CNTN6: variants seen among roughly 807,000 people sequenced by gnomAD.
CNTN6 encodes contactin-6.
A neutral mutation model predicts 122.8 loss-of-function variants in CNTN6; 137 were observed. That is an observed-to-expected ratio of 1.12 (90% CI 0.97 to 1.29). The LOEUF (loss-of-function observed/expected upper bound fraction) is 1.29. Among genes scored for constraint, CNTN6 ranks in the 50% most tolerant of loss-of-function variants. The pLI is 0.00. For missense variants in CNTN6, 1,634 were observed against 1,223.4 expected, an observed-to-expected ratio of 1.34 and a Z score of -5.01; for synonymous variants, 570 against 426.0, an observed-to-expected ratio of 1.34 and a Z score of -4.16.
At chr3:1,350,179 T>C (rs1705406846) in intron 11 of CNTN6, among the ~76,000 whole-genome samples, 1 of 151,850 alleles carries the variant, frequency 6.6e-6, no homozygotes, top group Non-Finnish European at 1.5e-5. Context: ...AGTCACTGTA[T>C]GTACTACAGT....
At chr3:1,339,308 G>C (rs1418428660) in intron 11 of CNTN6, among the ~76,000 whole-genome samples, 1 of 152,110 alleles carries the variant, frequency 6.6e-6, no homozygotes, top group African/African-American at 2.4e-5. Flanking sequence ...AAGGAGCATA[G>C]TTTGAGGACT....
intron 2 of CNTN6, among the ~76,000 whole-genome samples, chr3:1,199,920 A>G (rs1461904959): frequency 1.3e-5 from 2 of 152,240 alleles, no homozygotes; most frequent in African/African-American, 4.8e-5. Context: ...TGCAATAGCA[A>G]TGTTTACTAA....
chr3:1,238,868 A>G (rs984235436), intron 4 of CNTN6, among the ~76,000 whole-genome samples: 2 of 152,180 alleles, frequency 1.3e-5, no homozygotes, highest in African/African-American at 4.8e-5. Context: ...CTTTGAAAAG[A>G]TAAATAAAAT....
chr3:1,171,050 T>A (rs958213251), intron 2 of CNTN6, among the ~76,000 whole-genome samples: 1 of 152,212 alleles, frequency 6.6e-6, no homozygotes, highest in African/African-American at 2.4e-5. Context: ...CTAGCAGCAA[T>A]GGCCAATGCC....
chr3:1,204,989 A>G (rs2093938959), intron 2 of CNTN6, among the ~76,000 whole-genome samples: 2 of 152,146 alleles, frequency 1.3e-5, no homozygotes, highest in African/African-American at 4.8e-5. Flanking sequence ...TTGCTAATAA[A>G]GAGATTATTT....
intron 4 of CNTN6, among the ~76,000 whole-genome samples, chr3:1,272,538 T>G (rs1039928029): frequency 2.0e-5 from 3 of 151,476 alleles, no homozygotes; most frequent in African/African-American, 2.4e-5. Flanking sequence ...TGGGAAAAAA[T>G]ATATATCATT....
Position 1,245,223 on chromosome 3 carries a change from T to TACACAC in CNTN6, c.358+17231_358+17232insCACACA, listed in dbSNP as rs1487209403. On this transcript the variant is annotated intron_variant, in intron 4 of 22. Coordinates refer to ENST00000446702, the MANE Select transcript of CNTN6 (RefSeq NM_001289080.2). ...ATATATATATATATATATATATATA[T>TACACAC]ATATATATATATACACACACACATA... 4.0e-3 allele frequency among the ~76,000 whole-genome samples: 76 copies of TACACAC among 18,772 alleles called. 4 individuals carry two copies. The highest frequency in any genetic ancestry group is 0.029 in the East Asian group (22 of 754). 12.3% of individuals were successfully genotyped at this position (18,772 alleles called of 152,430 possible). A position where few individuals can be genotyped will look rare whatever the true frequency, so the allele number is the denominator to read the frequency against.
intron 2 of CNTN6, among the ~76,000 whole-genome samples, chr3:1,185,529 T>C (rs889292247): frequency 6.6e-6 from 1 of 152,206 alleles, no homozygotes; most frequent in Admixed American, 6.5e-5. Flanking sequence ...GTGTTTGGTA[T>C]AAAGGCCACT....
chr3:1,270,096 G>C (rs1478335573), intron 4 of CNTN6, among the ~76,000 whole-genome samples: 1 of 152,118 alleles, frequency 6.6e-6, no homozygotes, highest in Non-Finnish European at 1.5e-5. Flanking sequence ...TTGTGTTACT[G>C]AGTTATGCTA....
intron 4 of CNTN6, among the ~76,000 whole-genome samples, chr3:1,231,371 C>T (rs920830786): frequency 6.6e-6 from 1 of 152,196 alleles, no homozygotes; most frequent in Non-Finnish European, 1.5e-5. Flanking sequence ...GTCACTTTGA[C>T]CTTCAGAATG....
intron 16 of CNTN6, among the ~76,000 whole-genome samples, chr3:1,375,618 A>T (rs1394387403): frequency 6.6e-6 from 1 of 152,120 alleles, no homozygotes; most frequent in African/African-American, 2.4e-5. Context: ...GTGTGCAGTT[A>T]GTCACTCTAA....
rs939806418 is a variant in CNTN6, at chr3:1,321,776, G to A, written c.888G>A (p.Glu296=). ...NFQQEDEGFY[E]CIASNLRGRN... is the part of the protein sequence containing the mutation. ...AACAAGAAGATGAAGGCTTTTATGAGTGCATTGCAAGCAACCTTCGAGGAA... is the reference window on the plus strand; with the variant it reads ...AACAAGAAGATGAAGGCTTTTATGAATGCATTGCAAGCAACCTTCGAGGAA... Residue 296 remains glutamate (E), a synonymous_variant, in exon 8 of 23, where the codon GAG becomes GAA. Coordinates refer to ENST00000446702, the MANE Select transcript of CNTN6 (RefSeq NM_001289080.2). The A allele has an allele frequency of 6.2e-7, 1 of 1,611,584 alleles. No individual in the cohort carries two copies. The highest frequency in any genetic ancestry group is 1.3e-5 in the African/African-American group (1 of 74,762).
intron 4 of CNTN6, among the ~76,000 whole-genome samples, chr3:1,241,894 C>T (rs1278852720): frequency 2.6e-5 from 4 of 152,262 alleles, no homozygotes; most frequent in South Asian, 2.1e-4. Context: ...AGCCGCTGCA[C>T]GCAGACATGA....
At chr3:1,399,346 C>A (rs183838376) in intron 20 of CNTN6, among the ~76,000 whole-genome samples, 1 of 149,218 alleles carries the variant, frequency 6.7e-6, no homozygotes, top group African/African-American at 2.4e-5. Flanking sequence ...AGGATAGTTA[C>A]AAAATAATTC....
At chr3:1,260,199 A>T (rs2094822528) in intron 4 of CNTN6, among the ~76,000 whole-genome samples, 1 of 152,188 alleles carries the variant, frequency 6.6e-6, no homozygotes, top group African/African-American at 2.4e-5. Context: ...CTTTGTGATG[A>T]CAAGCAAGAG....
chr3:1,366,222 C>T lies in CNTN6; in HGVS notation c.1493-6077C>T, dbSNP rs1708195135. On this transcript the variant is annotated intron_variant, in intron 12 of 22. Coordinates refer to ENST00000446702, the MANE Select transcript of CNTN6 (RefSeq NM_001289080.2). Reference sequence around the variant, plus strand: ...GGAATATGCAAGAAGAATAGCATGACATGAAATGAAAGCGAATAAGTAACC... The same window carrying T: ...GGAATATGCAAGAAGAATAGCATGATATGAAATGAAAGCGAATAAGTAACC... Among the ~76,000 whole-genome samples the T allele has an allele frequency of 2.0e-5, 3 of 152,142 alleles. No individual in the cohort carries two copies. In the South Asian group the frequency reaches 6.2e-4, roughly 31 times the overall value.
At chr3:1,387,400 G>A (rs971576262) in intron 20 of CNTN6, among the ~76,000 whole-genome samples, 6 of 152,316 alleles carry the variant, frequency 3.9e-5, no homozygotes, top group Middle Eastern at 3.4e-3. Flanking sequence ...TAACTTGGAT[G>A]TATGATTTGC....
intron 1 of CNTN6, among the ~76,000 whole-genome samples, chr3:1,111,414 A>G (rs2091475094): frequency 6.6e-6 from 1 of 152,204 alleles, no homozygotes; most frequent in African/African-American, 2.4e-5. Context: ...TCCCCATCTT[A>G]TAGAAAAGTA....
At chr3:1,257,642 T>G (rs73109281) in intron 4 of CNTN6, among the ~76,000 whole-genome samples, 1 of 152,084 alleles carries the variant, frequency 6.6e-6, no homozygotes, top group African/African-American at 2.4e-5. Flanking sequence ...TTTTCTGCTG[T>G]GGAGGCAGTA....
Sources: gnomAD v4.1 joint callset for allele counts (sites outside exome capture counted in the v4.1 genomes callset) on GRCh38, gnomAD v4.1.1 for gene constraint, MANE v1.5 for transcripts, NCBI Gene and HGNC (gene_info 2026-07-23, HGNC 2026-07-21) for gene names.